ANKRD31: variants seen among roughly 807,000 people sequenced by gnomAD.
ANKRD31 encodes the protein ankyrin repeat domain 31, also known as ankyrin repeat domain-containing protein 31.
ANKRD31 carries 147 observed loss-of-function variants against 186.0 expected under a neutral mutation model. The ratio of observed to expected loss-of-function variants is 0.79; its 90% CI spans 0.69 to 0.91. The LOEUF is 0.91. Ranked by LOEUF, ANKRD31 falls within the 40% of genes least tolerant of loss-of-function variation. The pLI is 0.00. For missense variants in ANKRD31, 1,986 were observed against 2,148.8 expected (o/e 0.92, Z 1.50); for synonymous variants, 673 against 736.4 (o/e 0.91, Z 1.39).
chr5:75,207,374 T>G (rs28464794), intron 4 of ANKRD31, among the ~76,000 whole-genome samples: 40,787 of 151,966 alleles, frequency 0.27, 5,698 homozygotes, highest in South Asian at 0.4. Context: ...GAAAGCAAAA[T>G]AAAACCATAG....
At chr5:75,164,105 C>A (rs764082939) in intron 11 of ANKRD31, among the ~76,000 whole-genome samples, 1 of 152,268 alleles carries the variant, frequency 6.6e-6, no homozygotes, top group East Asian at 1.9e-4. Context: ...CTGGGGGATG[C>A]CAGTTGTCAT....
chr5:75,210,800 T>C (rs573046963), intron 4 of ANKRD31, 28 bp downstream of exon 4: 38 of 1,463,574 alleles, frequency 2.6e-5, no homozygotes, highest in South Asian at 9.7e-5. Flanking sequence ...ACCTACAACA[T>C]AATGAAGCCA....
intron 22 of ANKRD31, among the ~76,000 whole-genome samples, chr5:75,102,105 G>T (rs1364847397): frequency 6.6e-6 from 1 of 152,144 alleles, no homozygotes; most frequent in Non-Finnish European, 1.5e-5. Context: ...TACAGATGGG[G>T]GTTTGGTGTG....
intron 9 of ANKRD31, among the ~76,000 whole-genome samples, chr5:75,189,154 A>C (rs1014330854): frequency 6.6e-6 from 1 of 152,194 alleles, no homozygotes; most frequent in Non-Finnish European, 1.5e-5. Context: ...TCTTGGCTAA[A>C]AATAAATTAA....
chr5:75,074,620 TAAG>T (rs1324692169), intron 25 of ANKRD31, among the ~76,000 whole-genome samples: 1 of 151,094 alleles, frequency 6.6e-6, no homozygotes, highest in Non-Finnish European at 1.5e-5. Context: ...TAAGTAAATG[TAAG>T]AATACAGTAC....
chr5:75,110,632 C>G (rs1289171547), intron 20 of ANKRD31, among the ~76,000 whole-genome samples: 1 of 151,076 alleles, frequency 6.6e-6, no homozygotes, highest in Non-Finnish European at 1.5e-5. Context: ...TGGCTTGAAC[C>G]TGGGAGGCGG....
chr5:75,111,110 TG>T (rs1185473919), intron 20 of ANKRD31, among the ~76,000 whole-genome samples: 3 of 151,018 alleles, frequency 2.0e-5, no homozygotes, highest in Admixed American at 6.6e-5. Context: ...ATGAAGACTA[TG>T]AAAAAAATGC....
intron 20 of ANKRD31, 100 bp downstream of exon 20, chr5:75,112,413 C>G: frequency 9.8e-6 from 7 of 712,102 alleles, no homozygotes; most frequent in Non-Finnish European, 1.5e-5. Flanking sequence ...AATAGAACAC[C>G]ACTTTTTCAG....
rs1180580603 is a variant in ANKRD31 at position 75,068,478 on chromosome 5, A to G, written c.*41T>C. ...GATGAAATATAAATGTTTGTTGGTA[A>G]TTTGAACAAATATCCAATAAAATAT... On this transcript the variant is annotated 3_prime_UTR_variant, in exon 26 of 26. Transcript: ENST00000506364. 1.7e-5 allele frequency: 24 copies of G among 1,431,020 alleles called. No homozygotes were observed. The highest frequency in any genetic ancestry group is 2.6e-5 in the East Asian group (1 of 38,680). 88.6% of individuals were successfully genotyped at this position (1,431,020 alleles called of 1,614,324 possible). A position where few individuals can be genotyped will look rare whatever the true frequency, so the allele number is the denominator to read the frequency against.
At position 75,146,424 on chromosome 5, in the gene ANKRD31, G is replaced by C. The variant is rs1029264794; in HGVS notation, c.2987C>G (p.Pro996Arg). The change falls in exon 14 of 26, where the codon CCT (proline) becomes CGT (arginine). Residue 996 changes from proline (P) to arginine (R), a missense_variant. By Grantham distance (103) the Pro-to-Arg change is moderately radical. Transcript: ENST00000506364. ...ATTGCCATTTGAGTGATCAAAAGAA[G>C]GTCCAAATATGCATTGTTCATAATT... ...VANYEQCIFG[P>R]SFDHSNGNPE... 1.3e-5 allele frequency: 20 copies of C among 1,536,268 alleles called. No homozygotes were observed. The highest frequency in any genetic ancestry group is 1.7e-4 in the Middle Eastern group (1 of 5,998).
At chr5:75,074,553 AG>A (rs1398685752) in intron 25 of ANKRD31, among the ~76,000 whole-genome samples, 3 of 152,232 alleles carry the variant, frequency 2.0e-5, no homozygotes, top group African/African-American at 7.2e-5. Context: ...ACACACATAG[AG>A]AAATCTGAGC....
At chr5:75,199,033 T>G (rs1342502397) in intron 6 of ANKRD31, among the ~76,000 whole-genome samples, 1 of 151,896 alleles carries the variant, frequency 6.6e-6, no homozygotes, top group East Asian at 1.9e-4. Flanking sequence ...AGACCCAGGG[T>G]CTACAAAAAA....
intron 19 of ANKRD31, among the ~76,000 whole-genome samples, chr5:75,116,073 G>A (rs1580355585): frequency 6.6e-6 from 1 of 151,370 alleles, no homozygotes; most frequent in Non-Finnish European, 1.5e-5. Context: ...GGAATACTAT[G>A]CAGCCATAAA....
chr5:75,225,760 G>C (rs1302105783), intron 2 of ANKRD31: 1 of 156,722 alleles, frequency 6.4e-6, no homozygotes, highest in Non-Finnish European at 1.4e-5. Flanking sequence ...GGTGCAGAAG[G>C]CCTTCTGCTT....
intron 23 of ANKRD31, among the ~76,000 whole-genome samples, chr5:75,085,155 A>G (rs185084967): frequency 1.1e-4 from 17 of 152,286 alleles, no homozygotes; most frequent in African/African-American, 3.6e-4. Flanking sequence ...TCAAGGAATG[A>G]TCCTCCTCTA....
At position 75,196,280 on chromosome 5, in the gene ANKRD31, TTTATC is replaced by T. The variant is rs1755460649; in HGVS notation, c.448-85_448-81del. The T allele has an allele frequency of 2.6e-6, 3 of 1,144,552 alleles. No homozygotes were observed. The East Asian group carries it at 8.6e-5, about 33-fold the overall frequency. 70.9% of individuals were successfully genotyped at this position (1,144,552 alleles called of 1,614,324 possible). On this transcript the variant is annotated intron_variant, in intron 6 of 25. Transcript: ENST00000506364. ...AAATGAAAACTTTATAGTTTTATAG[TTTATC>T]TTGTTTGTAAGCTACCCTCAAAATT... is the stretch of plus-strand genomic sequence containing the variant.
intron 4 of ANKRD31, among the ~76,000 whole-genome samples, chr5:75,209,022 C>T (rs1436953247): frequency 6.6e-6 from 1 of 152,044 alleles, no homozygotes; most frequent in Non-Finnish European, 1.5e-5. Context: ...GACGCTTTCC[C>T]CCTCTACCCC....
At chr5:75,172,823 T>C (rs1753451337) in intron 10 of ANKRD31, among the ~76,000 whole-genome samples, 1 of 152,164 alleles carries the variant, frequency 6.6e-6, no homozygotes, top group Non-Finnish European at 1.5e-5. Context: ...GAGGAGCTGG[T>C]ACCATTCCTT....
intron 25 of ANKRD31, among the ~76,000 whole-genome samples, chr5:75,078,868 C>T (rs1013167157): frequency 4.6e-5 from 7 of 152,180 alleles, no homozygotes; most frequent in African/African-American, 1.7e-4. Flanking sequence ...GGCAAAAAGG[C>T]GAGAGGCTTG....
Sources: gnomAD v4.1 joint callset for allele counts (sites outside exome capture counted in the v4.1 genomes callset) on GRCh38, gnomAD v4.1.1 for gene constraint, MANE v1.5 for transcripts, NCBI Gene and HGNC (gene_info 2026-07-23, HGNC 2026-07-21) for gene names.